ZNF385B: variants seen among roughly 807,000 people sequenced by gnomAD.
ZNF385B encodes zinc finger protein 385B.
ZNF385B carries 23 observed loss-of-function variants against 39.2 expected under a neutral mutation model. The ratio of observed to expected loss-of-function variants is 0.59; its 90% CI spans 0.42 to 0.83. The LOEUF (loss-of-function observed/expected upper bound fraction) is 0.83, where lower values mean the gene tolerates loss of function less well. Among genes scored for constraint, ZNF385B ranks in the 40% least tolerant of loss-of-function variants. The pLI, the probability that ZNF385B is intolerant of heterozygous loss-of-function variation, is 0.00. For missense variants in ZNF385B, 552 were observed against 598.9 expected, an observed-to-expected ratio of 0.92 and a Z score of 0.82; for synonymous variants, 205 against 222.6, an observed-to-expected ratio of 0.92 and a Z score of 0.70.
intron 4 of ZNF385B, among the ~76,000 whole-genome samples, chr2:179,535,697 T>C (rs1378299368): frequency 6.6e-6 from 1 of 152,202 alleles, no homozygotes; most frequent in Non-Finnish European, 1.5e-5. Context: ...ATTTCAAGTA[T>C]CAGAACATAA....
chr2:179,563,413 T>C (rs1684166606), intron 3 of ZNF385B, among the ~76,000 whole-genome samples: 1 of 152,184 alleles, frequency 6.6e-6, no homozygotes, highest in Non-Finnish European at 1.5e-5. Flanking sequence ...TGCTTGCAAA[T>C]GTCAGGAAGG....
intron 3 of ZNF385B, among the ~76,000 whole-genome samples, chr2:179,739,375 C>CTATAT (rs1701954974): frequency 4.6e-5 from 7 of 152,110 alleles, no homozygotes; most frequent in Non-Finnish European, 1.0e-4. Flanking sequence ...AGAACAGGCT[C>CTATAT]CTCTAGAGGG....
chr2:179,821,963 C>G (rs533670807), intron 1 of ZNF385B, among the ~76,000 whole-genome samples: 5 of 152,276 alleles, frequency 3.3e-5, no homozygotes, highest in African/African-American at 9.6e-5. Flanking sequence ...TTAAAATTCA[C>G]TATGTTCTGC....
intron 3 of ZNF385B, among the ~76,000 whole-genome samples, chr2:179,738,849 C>T (rs1475696670): frequency 1.3e-5 from 2 of 152,154 alleles, no homozygotes; most frequent in Non-Finnish European, 2.9e-5. Context: ...AGTCCTGGAG[C>T]CTTCCCTTAA....
intron 3 of ZNF385B, among the ~76,000 whole-genome samples, chr2:179,614,160 T>G (rs1558982701): frequency 6.6e-6 from 1 of 152,222 alleles, no homozygotes; most frequent in Non-Finnish European, 1.5e-5. Flanking sequence ...TTCAGTGATA[T>G]GAAGTTAAAA....
chr2:179,838,699 A>C (rs1169472581), intron 1 of ZNF385B, among the ~76,000 whole-genome samples: 1 of 152,170 alleles, frequency 6.6e-6, no homozygotes, highest in Non-Finnish European at 1.5e-5. Context: ...TAAGCAAAAA[A>C]TAGCTAACAA....
At chr2:179,850,702 T>C (rs565209968) in intron 1 of ZNF385B, among the ~76,000 whole-genome samples, 78 of 152,336 alleles carry the variant, frequency 5.1e-4, no homozygotes, top group African/African-American at 1.8e-3. Context: ...TCTTTCATCA[T>C]GCAAGGCTGC....
intron 3 of ZNF385B, among the ~76,000 whole-genome samples, chr2:179,558,598 A>G (rs1262458917): frequency 6.6e-6 from 1 of 152,174 alleles, no homozygotes; most frequent in Non-Finnish European, 1.5e-5. Context: ...AAAAATAACA[A>G]AAAAAAGTAA....
chr2:179,667,000 T>C (rs1215211165), intron 3 of ZNF385B, among the ~76,000 whole-genome samples: 1 of 152,250 alleles, frequency 6.6e-6, no homozygotes, highest in Admixed American at 6.5e-5. Flanking sequence ...CAGGTCTTTA[T>C]GTGTCTTTCA....
chr2:179,791,848 C>T (rs867226776), intron 1 of ZNF385B, among the ~76,000 whole-genome samples: 11 of 152,282 alleles, frequency 7.2e-5, no homozygotes, highest in South Asian at 2.1e-4. Flanking sequence ...CCTCCACCTT[C>T]GAGGTTCAAA....
chr2:179,765,509 C>A (rs940128932), intron 3 of ZNF385B, among the ~76,000 whole-genome samples: 1 of 152,156 alleles, frequency 6.6e-6, no homozygotes, highest in Non-Finnish European at 1.5e-5. Context: ...ATGTTTATTT[C>A]TGTCTGATAT....
chr2:179,719,288 G>C (rs988800865), intron 3 of ZNF385B, among the ~76,000 whole-genome samples: 1 of 152,112 alleles, frequency 6.6e-6, no homozygotes, highest in South Asian at 2.1e-4. Flanking sequence ...AGCTGGAGAG[G>C]AGGCAATCAC....
intron 3 of ZNF385B, among the ~76,000 whole-genome samples, chr2:179,555,885 G>A (rs1381667465): frequency 1.3e-5 from 2 of 149,012 alleles, no homozygotes; most frequent in Non-Finnish European, 3.0e-5. Flanking sequence ...TCCGACAGCA[G>A]CCACCATGGC....
chr2:179,810,591 G>GTCA lies in ZNF385B; in HGVS notation c.-154-39922_-154-39920dup, dbSNP rs145201684. 2.6e-5 allele frequency among the ~76,000 whole-genome samples: 4 copies of GTCA among 151,724 alleles called. No individual in the cohort carries two copies. The South Asian group carries it at 6.2e-4, about 24-fold the overall frequency. On this transcript the variant is annotated intron_variant, in intron 1 of 9. Transcript: ENST00000410066. ...ATGTAAATAAATATGGATCCACATT[G>GTCA]TCATCATCATCATCATCATTTCCAA...
At chr2:179,464,676 C>G (rs2105487359) in intron 6 of ZNF385B, among the ~76,000 whole-genome samples, 1 of 152,292 alleles carries the variant, frequency 6.6e-6, no homozygotes, top group South Asian at 2.1e-4. Context: ...GGTGTTATTT[C>G]TGAGGCCTCT....
At chr2:179,526,172 G>T (rs556562095) in intron 4 of ZNF385B, among the ~76,000 whole-genome samples, 1 of 151,798 alleles carries the variant, frequency 6.6e-6, no homozygotes, top group South Asian at 2.1e-4. Flanking sequence ...GGGTAGCTGG[G>T]ATTCCAGGTA....
intron 6 of ZNF385B, among the ~76,000 whole-genome samples, chr2:179,481,374 C>T (rs2053972885): frequency 6.7e-6 from 1 of 149,148 alleles, no homozygotes; most frequent in Admixed American, 6.8e-5. Context: ...GGTTTTATCT[C>T]CTCATCTTTG....
At chr2:179,595,626 T>TC (rs1420041800) in intron 3 of ZNF385B, among the ~76,000 whole-genome samples, 7 of 148,810 alleles carry the variant, frequency 4.7e-5, no homozygotes, top group Non-Finnish European at 6.0e-5. Context: ...CAGATATTCT[T>TC]TTTTTTTTTT....
At chr2:179,688,293 T>G (rs1698079680) in intron 3 of ZNF385B, among the ~76,000 whole-genome samples, 1 of 152,168 alleles carries the variant, frequency 6.6e-6, no homozygotes, top group Non-Finnish European at 1.5e-5. Flanking sequence ...TGGGGGGTTA[T>G]GGATCCTTTT....
Sources: gnomAD v4.1 joint callset for allele counts (sites outside exome capture counted in the v4.1 genomes callset) on GRCh38, gnomAD v4.1.1 for gene constraint, MANE v1.5 for transcripts, NCBI Gene and HGNC (gene_info 2026-07-23, HGNC 2026-07-21) for gene names.